SH3PXD2A: variants seen among roughly 807,000 people sequenced by gnomAD.
The protein encoded by SH3PXD2A is SH3 and PX domain-containing protein 2A.
SH3PXD2A carries 32 observed loss-of-function variants against 115.2 expected under a neutral mutation model. That is an observed-to-expected ratio of 0.28 (90% confidence interval 0.21 to 0.37). SH3PXD2A has a LOEUF of 0.37. Among genes scored for constraint, SH3PXD2A ranks in the 10% least tolerant of loss-of-function variants. SH3PXD2A has a pLI of 1.00. For missense variants in SH3PXD2A, 1,328 were observed against 1,498.7 expected (o/e 0.89, Z 1.88); for synonymous variants, 610 against 629.1 (o/e 0.97, Z 0.45).
intron 1 of SH3PXD2A, among the ~76,000 whole-genome samples, chr10:103,827,554 G>A (rs920180043): frequency 6.6e-6 from 1 of 152,186 alleles, no homozygotes; most frequent in African/African-American, 2.4e-5. Flanking sequence ...GGAGTGCTTT[G>A]AGAATTAAAG....
intron 2 of SH3PXD2A, among the ~76,000 whole-genome samples, chr10:103,767,542 C>CT (rs1484706981): frequency 6.6e-6 from 1 of 152,152 alleles, no homozygotes; most frequent in African/African-American, 2.4e-5. Flanking sequence ...GGGGTGAATC[C>CT]TTCAGCCACT....
intron 4 of SH3PXD2A, among the ~76,000 whole-genome samples, chr10:103,726,026 ATGGGGAGAAATAC>A (rs2038237438): frequency 6.6e-6 from 1 of 152,060 alleles, no homozygotes; most frequent in Admixed American, 6.5e-5. Context: ...TCAATTTAGT[ATGGGGAGAAATAC>A]TGGGGCAAGG....
At chr10:103,795,975 C>T (rs1277266880) in intron 2 of SH3PXD2A, among the ~76,000 whole-genome samples, 1 of 150,436 alleles carries the variant, frequency 6.6e-6, no homozygotes, top group Non-Finnish European at 1.5e-5. Context: ...ACATATTTTA[C>T]CCTGATAAGA....
Position 103,730,948 on chromosome 10 carries a change from T to C in SH3PXD2A, c.306+4784A>G, listed in dbSNP as rs1228506049. 2.6e-5 allele frequency among the ~76,000 whole-genome samples: 4 copies of C among 152,132 alleles called. No individual in the cohort carries two copies. In the East Asian group the frequency reaches 7.7e-4, roughly 29 times the overall value. The stretch of plus-strand genomic sequence containing the variant: ...GGAAGGGCCCACTGCGGAGACTGAA[T>C]GTGCACCCAGGCAGGGGACCAGCAC... On this transcript the variant is annotated intron_variant, in intron 4 of 14. Coordinates refer to ENST00000369774, the MANE Select transcript of SH3PXD2A (RefSeq NM_001394015.1).
chr10:103,848,753 C>T (rs774808516), intron 1 of SH3PXD2A, among the ~76,000 whole-genome samples: 1 of 152,122 alleles, frequency 6.6e-6, no homozygotes, highest in African/African-American at 2.4e-5. Flanking sequence ...CTTCTCCAGT[C>T]GGTCTTCCCT....
At chr10:103,635,324 T>C (rs773194696) in intron 8 of SH3PXD2A, among the ~76,000 whole-genome samples, 1 of 152,166 alleles carries the variant, frequency 6.6e-6, no homozygotes, top group Non-Finnish European at 1.5e-5. Context: ...GGGAGCTTGG[T>C]GGCAGCAAGA....
intron 5 of SH3PXD2A, among the ~76,000 whole-genome samples, chr10:103,702,320 T>C (rs909416573): frequency 6.6e-6 from 1 of 152,220 alleles, no homozygotes; most frequent in African/African-American, 2.4e-5. Flanking sequence ...TGGAAAGAGA[T>C]GGCAAACACC....
At chr10:103,769,179 T>TGCGC (rs1206949014) in intron 2 of SH3PXD2A, among the ~76,000 whole-genome samples, 37 of 116,044 alleles carry the variant, frequency 3.2e-4, no homozygotes, top group African/African-American at 9.0e-4. Context: ...TGTGTGTGTG[T>TGCGC]GTGCGCGCGC....
intron 6 of SH3PXD2A, among the ~76,000 whole-genome samples, chr10:103,691,964 C>T (rs2037757593): frequency 1.3e-5 from 2 of 152,170 alleles, no homozygotes; most frequent in African/African-American, 4.8e-5. Flanking sequence ...CACTCTACAT[C>T]CATCCACCAC....
At chr10:103,753,550 G>A (rs952369319) in intron 3 of SH3PXD2A, among the ~76,000 whole-genome samples, 32 of 151,464 alleles carry the variant, frequency 2.1e-4, no homozygotes, top group Admixed American at 2.0e-3. Flanking sequence ...GCTTGGAAGT[G>A]GAGGGAACTG....
chr10:103,664,629 G>T (rs58031722), intron 7 of SH3PXD2A, among the ~76,000 whole-genome samples: 6,861 of 151,914 alleles, frequency 0.045, 505 homozygotes, highest in African/African-American at 0.16. Context: ...GGGACACAGC[G>T]GCTGCTTAAT....
At chr10:103,753,424 A>G (rs1589441741) in intron 3 of SH3PXD2A, among the ~76,000 whole-genome samples, 1 of 141,662 alleles carries the variant, frequency 7.1e-6, no homozygotes, top group East Asian at 2.2e-4. Flanking sequence ...TGAACCCAGG[A>G]GGCAGAGGTT....
At chr10:103,672,372 G>A (rs2037475306) in intron 6 of SH3PXD2A, among the ~76,000 whole-genome samples, 1 of 152,232 alleles carries the variant, frequency 6.6e-6, no homozygotes, top group African/African-American at 2.4e-5. Context: ...TGGCCTGCCT[G>A]AGGCAGTTGT....
intron 6 of SH3PXD2A, among the ~76,000 whole-genome samples, chr10:103,692,438 C>A (rs537765067): frequency 6.6e-6 from 1 of 152,200 alleles, no homozygotes; most frequent in Non-Finnish European, 1.5e-5. Flanking sequence ...TGCGTCTCAG[C>A]TGCCAAAACG....
intron 1 of SH3PXD2A, among the ~76,000 whole-genome samples, chr10:103,824,923 C>G (rs906405637): frequency 1.3e-5 from 2 of 152,192 alleles, no homozygotes; most frequent in African/African-American, 4.8e-5. Flanking sequence ...GTGCCTCAGC[C>G]CCCTGAGTAG....
chr10:103,660,952 C>A lies in SH3PXD2A; in HGVS notation c.604+31G>T, dbSNP rs368819558. ...TCGGCCCGGGGGCCAGACCGGAACC[C>A]CAGTGGACGGCCATTGGCCAGGGCA... On this transcript the variant is annotated intron_variant, in intron 8 of 14. Coordinates refer to ENST00000369774, the MANE Select transcript of SH3PXD2A (RefSeq NM_001394015.1). The A allele has an allele frequency of 4.7e-4, 750 of 1,612,268 alleles. 1 individual carries two copies. Among genetic ancestry groups the A allele is most frequent in the Admixed American group, 1.7e-3 (104 of 60,002 alleles).
intron 6 of SH3PXD2A, among the ~76,000 whole-genome samples, chr10:103,685,204 T>C (rs1388609495): frequency 6.6e-6 from 1 of 151,960 alleles, no homozygotes; most frequent in East Asian, 1.9e-4. Context: ...CTGGGCATGG[T>C]GGCGGACGCC....
At chr10:103,745,728 C>G (rs71471297) in intron 3 of SH3PXD2A, among the ~76,000 whole-genome samples, 2 of 152,236 alleles carry the variant, frequency 1.3e-5, no homozygotes, top group Non-Finnish European at 2.9e-5. Context: ...AGGCCAAACA[C>G]GAGCTCCCCT....
intron 1 of SH3PXD2A, among the ~76,000 whole-genome samples, chr10:103,832,301 A>T (rs1158554699): frequency 1.3e-5 from 2 of 151,558 alleles, no homozygotes; most frequent in Non-Finnish European, 2.9e-5. Flanking sequence ...GTGTCTTCTC[A>T]TGTGCACTTG....
Sources: gnomAD v4.1 joint callset for allele counts (sites outside exome capture counted in the v4.1 genomes callset) on GRCh38, gnomAD v4.1.1 for gene constraint, MANE v1.5 for transcripts, NCBI Gene and HGNC (gene_info 2026-07-23, HGNC 2026-07-21) for gene names.